Variants in ARID2 observed in about 807,000 individuals in gnomAD.
The protein encoded by ARID2 is AT-rich interaction domain 2, also known as AT-rich interactive domain-containing protein 2.
Under a neutral mutation model 184.6 loss-of-function variants are expected in ARID2, and 32 were observed. The ratio of observed to expected loss-of-function variants is 0.17; its 90% CI spans 0.13 to 0.23. The LOEUF (loss-of-function observed/expected upper bound fraction) is 0.23. Ranked by LOEUF, ARID2 falls within the 10% of genes least tolerant of loss-of-function variation. The pLI, the probability that ARID2 is intolerant of heterozygous loss-of-function variation, is 1.00. For synonymous variants in ARID2, 836 were observed against 772.6 expected (o/e 1.08, Z -1.36); for missense variants, 1,696 against 2,197.6 (o/e 0.77, Z 4.56).
chr12:45,747,012 G>A (rs954361476), intron 3 of ARID2, among the ~76,000 whole-genome samples: 14 of 151,874 alleles, frequency 9.2e-5, no homozygotes, highest in African/African-American at 3.4e-4. Flanking sequence ...CTTGTGATCC[G>A]CCCGCCTCAG....
chr12:45,849,873 T>C, intron 14 of ARID2, 97 bp downstream of exon 14: 1 of 1,412,154 alleles, frequency 7.1e-7, no homozygotes, highest in East Asian at 2.5e-5. Context: ...ATAACTTTTG[T>C]GTCTCCAGTA....
chr12:45,735,681 T>G (rs1303299524), intron 3 of ARID2, among the ~76,000 whole-genome samples: 1 of 152,150 alleles, frequency 6.6e-6, no homozygotes, highest in Non-Finnish European at 1.5e-5. Flanking sequence ...CTGTTACGTT[T>G]TTAAAGGACA....
At chr12:45,890,014 G>T (rs1224279357) in intron 16 of ARID2, among the ~76,000 whole-genome samples, 1 of 152,158 alleles carries the variant, frequency 6.6e-6, no homozygotes, top group Non-Finnish European at 1.5e-5. Flanking sequence ...TGTGATTATT[G>T]CAACCAGCTT....
intron 3 of ARID2, among the ~76,000 whole-genome samples, chr12:45,736,897 A>G (rs1385706149): frequency 6.6e-6 from 1 of 152,222 alleles, no homozygotes; most frequent in East Asian, 1.9e-4. Flanking sequence ...CCCCATAGTA[A>G]ATAGTGTTTC....
At chr12:45,860,411 A>C (rs1457876685) in intron 15 of ARID2, among the ~76,000 whole-genome samples, 1 of 152,178 alleles carries the variant, frequency 6.6e-6, no homozygotes, top group African/African-American at 2.4e-5. Flanking sequence ...AAACATACAA[A>C]AAAGTAGTAA....
chr12:45,759,025 G>A (rs1484972984), intron 3 of ARID2, among the ~76,000 whole-genome samples: 2 of 152,062 alleles, frequency 1.3e-5, no homozygotes, highest in Non-Finnish European at 2.9e-5. Context: ...ATATGTGTAT[G>A]TATATATTAA....
At chr12:45,820,148 A>T (rs1942874061) in intron 5 of ARID2, among the ~76,000 whole-genome samples, 2 of 152,096 alleles carry the variant, frequency 1.3e-5, no homozygotes, top group Admixed American at 6.5e-5. Context: ...CTTATGTATA[A>T]ATTTGATATT....
At chr12:45,855,801 C>G (rs758762844) in intron 15 of ARID2, among the ~76,000 whole-genome samples, 1 of 152,142 alleles carries the variant, frequency 6.6e-6, no homozygotes, top group Non-Finnish European at 1.5e-5. Flanking sequence ...ACTGCAGCCT[C>G]GACCTCCTTG....
chr12:45,754,398 G>A (rs559653189), intron 3 of ARID2, among the ~76,000 whole-genome samples: 477 of 152,240 alleles, frequency 3.1e-3, no homozygotes, highest in Non-Finnish European at 5.6e-3. Flanking sequence ...CTGTTTTAAA[G>A]CTTGGTTAAT....
intron 16 of ARID2, among the ~76,000 whole-genome samples, chr12:45,863,243 T>C (rs1235138247): frequency 6.6e-6 from 1 of 151,886 alleles, no homozygotes; most frequent in Non-Finnish European, 1.5e-5. Flanking sequence ...AGCACAGGAG[T>C]GTAAAAGGAC....
intron 3 of ARID2, among the ~76,000 whole-genome samples, chr12:45,769,902 G>GAA (rs200349366): frequency 6.6e-6 from 1 of 152,054 alleles, no homozygotes; most frequent in Admixed American, 6.6e-5. Flanking sequence ...GCTTAAAGGG[G>GAA]AAAAAACCAA....
At chr12:45,746,474 A>G (rs748806144) in intron 3 of ARID2, among the ~76,000 whole-genome samples, 1 of 150,826 alleles carries the variant, frequency 6.6e-6, no homozygotes. Context: ...AAAACAGTCA[A>G]TGTAACATAT....
In ARID2 at chr12:45,817,780, A is replaced by G; in HGVS notation, c.529A>G (p.Ile177Val). The change falls in exon 5 of 21, where the codon ATT becomes GTT. Residue 177 changes from isoleucine to valine, a missense_variant. Transcript: ENST00000334344. ...ACTCCCAAATGAAGTGGACTTTGCT[A>G]TTAACGTATGCACTCTCCTATCAAA... ...SGLPNEVDFA[I>V]NVCTLLSNES... The G allele has an allele frequency of 1.2e-6, 2 of 1,613,400 alleles. No individual in the cohort carries two copies. The highest frequency in any genetic ancestry group is 1.7e-6 in the Non-Finnish European group (2 of 1,179,802).
intron 6 of ARID2, among the ~76,000 whole-genome samples, chr12:45,824,530 A>G (rs1565609919): frequency 6.6e-6 from 1 of 152,084 alleles, no homozygotes; most frequent in Non-Finnish European, 1.5e-5. Flanking sequence ...AAAATTGCTC[A>G]ACATCACTAA....
chr12:45,739,438 C>CTTTTT lies in ARID2; in HGVS notation c.284+8144_284+8148dup, dbSNP rs71067906. ...ATAATTGGGATAAAATATAAAGTTA[C>CTTTTT]TTTTTTTTTTTTTTTTTTTTTTTTG... On this transcript the variant is annotated intron_variant, in intron 3 of 20. Coordinates refer to ENST00000334344, the MANE Select transcript of ARID2 (RefSeq NM_152641.4). 1.1e-3 allele frequency among the ~76,000 whole-genome samples: 99 copies of CTTTTT among 90,744 alleles called. 1 individual carries two copies. Among genetic ancestry groups the CTTTTT allele is most frequent in the Admixed American group, 1.5e-3 (9 of 6,164 alleles). The allele number at this position is 90,744 out of a possible 152,430, so 59.5% of individuals were successfully genotyped here.
intron 6 of ARID2, among the ~76,000 whole-genome samples, chr12:45,825,552 TTATTCTTTAGCAGTC>T (rs1313926427): frequency 6.6e-6 from 1 of 152,186 alleles, no homozygotes; most frequent in African/African-American, 2.4e-5. Flanking sequence ...ATCAAAAACT[TTATTCTTTAGCAGTC>T]TATTTTAAGT....
At chr12:45,730,345 C>CGGCG (rs1180680054) in intron 2 of ARID2, among the ~76,000 whole-genome samples, 2 of 146,002 alleles carry the variant, frequency 1.4e-5, no homozygotes, top group African/African-American at 4.9e-5. Context: ...CGCGGGGCTC[C>CGGCG]GGCGGGCGGG....
Position 45,729,911 on chromosome 12 carries a change from G to T in ARID2, c.75G>T (p.Gln25His). ...KGLAFLDELR[Q>H]FHHSRGSPFK... ...TCGCTTTCCTGGACGAGCTGCGGCAGTTCCACCACAGCAGAGGGTGAGAGC... is the reference window on the plus strand; with the variant it reads ...TCGCTTTCCTGGACGAGCTGCGGCATTTCCACCACAGCAGAGGGTGAGAGC... Residue 25 changes from glutamine (Q) to histidine (H), a missense_variant, in exon 1 of 21, where the codon CAG becomes CAT. By Grantham distance (24) the Gln-to-His change is conservative. Coordinates refer to ENST00000334344, the MANE Select transcript of ARID2 (RefSeq NM_152641.4). 1 of 1,609,968 alleles carries T rather than the reference G, an allele frequency of 6.2e-7. No individual in the cohort carries two copies. Among genetic ancestry groups the T allele is most frequent in the Non-Finnish European group, 8.5e-7 (1 of 1,178,376 alleles).
rs2138169812 is a variant in ARID2 at position 45,851,296 on chromosome 12, G to A, written c.3173G>A (p.Ser1058Asn). 1.2e-6 allele frequency: 2 copies of A among 1,614,188 alleles called. No individual in the cohort carries two copies. Among genetic ancestry groups the A allele is most frequent in the Non-Finnish European group, 1.7e-6 (2 of 1,180,022 alleles). The part of the protein sequence containing the change: ...GVGQPASGES[S>N]LIKQLLLPKR... ...GGTCAGCCTGCCTCTGGTGAGTCGAGTCTGATTAAACAGCTTCTGCTTCCG... is the reference window on the plus strand; with the variant it reads ...GGTCAGCCTGCCTCTGGTGAGTCGAATCTGATTAAACAGCTTCTGCTTCCG... Residue 1058 changes from serine to asparagine, a missense_variant, in exon 15 of 21, where the codon AGT (serine) becomes AAT (asparagine). Physicochemically the swap from Ser to Asn is conservative, Grantham distance 46. Around this residue, in one of 11 missense-constraint regions of ARID2, gnomAD observed 713 missense variants for 824.4 expected, o/e 0.86. Transcript: ENST00000334344.
Sources: gnomAD v4.1 joint callset for allele counts (sites outside exome capture counted in the v4.1 genomes callset) on GRCh38, gnomAD v4.1.1 for gene constraint, gnomAD v4.1.1 regional missense constraint, MANE v1.5 for transcripts, NCBI Gene and HGNC (gene_info 2026-07-23, HGNC 2026-07-21) for gene names.